Variants in RBFOX1 observed in about 807,000 individuals in gnomAD.
RBFOX1 encodes the protein RNA binding protein fox-1 homolog 1.
Under a neutral mutation model 57.7 loss-of-function variants are expected in RBFOX1, and 8 were observed. The observed-to-expected ratio is 0.14, with a 90% CI of 0.08 to 0.25. The LOEUF is 0.25. RBFOX1 is among the 10% of genes least tolerant of loss of function. The pLI is 1.00. For missense variants in RBFOX1, 611 were observed against 548.5 expected (o/e 1.11, Z -1.14); for synonymous variants, 326 against 222.4 (o/e 1.47, Z -4.15).
At chr16:7,051,973 A>G in intron 3 of RBFOX1, 84 bp from the exon 4 acceptor site, 1 of 1,550,860 alleles carries the variant, frequency 6.4e-7, no homozygotes, top group Non-Finnish European at 8.7e-7. Context: ...GAGCTGAGTA[A>G]TTAAAAGTAA....
chr16:6,081,731 A>T (rs774547626), intron 1 of RBFOX1, among the ~76,000 whole-genome samples: 3 of 152,234 alleles, frequency 2.0e-5, no homozygotes, highest in Non-Finnish European at 4.4e-5. Context: ...GGTATCTAGC[A>T]ATAGCAGAAG....
chr16:7,437,520 G>T (rs1234553710), intron 4 of RBFOX1, among the ~76,000 whole-genome samples: 2 of 152,142 alleles, frequency 1.3e-5, no homozygotes, highest in Non-Finnish European at 2.9e-5. Flanking sequence ...AAGCTGCAGA[G>T]TACCATTTCC....
intron 3 of RBFOX1, among the ~76,000 whole-genome samples, chr16:5,641,398 A>G (rs1278220545): frequency 6.6e-6 from 1 of 152,232 alleles, no homozygotes; most frequent in East Asian, 1.9e-4. Context: ...TGCAGTGTCC[A>G]GTAGTAGTAA....
chr16:6,516,208 T>C (rs1358404342), intron 2 of RBFOX1, among the ~76,000 whole-genome samples: 1 of 152,300 alleles, frequency 6.6e-6, no homozygotes, highest in East Asian at 1.9e-4. Context: ...CTTGTATTTT[T>C]AGTAGTGACA....
In RBFOX1 at chr16:6,332,751, A is replaced by AGTTCAGAGAACTTAAAGGT. The variant is rs1285064495; in HGVS notation, c.-64+15705_-64+15723dup. On this transcript the variant is annotated intron_variant, in intron 2 of 15. Transcript: ENST00000550418. ...ATAGGAGTCTACTGTTTTAGTGAAT[A>AGTTCAGAGAACTTAAAGGT]GTTCAGAGAACTTAAAGGTGTTCAG... 1.2e-3 allele frequency among the ~76,000 whole-genome samples: 180 copies of AGTTCAGAGAACTTAAAGGT among 152,316 alleles called. 1 individual carries two copies. The highest frequency in any genetic ancestry group is 1.9e-3 in the Non-Finnish European group (128 of 68,022).
chr16:6,531,290 C>T (rs1297834365), intron 2 of RBFOX1, among the ~76,000 whole-genome samples: 1 of 152,154 alleles, frequency 6.6e-6, no homozygotes, highest in Non-Finnish European at 1.5e-5. Flanking sequence ...TTTCAACCTC[C>T]CCTTGTTGCA....
intron 1 of RBFOX1, among the ~76,000 whole-genome samples, chr16:6,100,376 A>T (rs540239598): frequency 1.3e-5 from 2 of 152,196 alleles, no homozygotes; most frequent in East Asian, 1.9e-4. Context: ...GTTAGCCAGG[A>T]TGGTCTCGAT....
intron 1 of RBFOX1, among the ~76,000 whole-genome samples, chr16:6,159,415 T>A (rs2096861672): frequency 6.6e-6 from 1 of 152,114 alleles, no homozygotes; most frequent in Non-Finnish European, 1.5e-5. Context: ...TCCTTTCTTC[T>A]TAGTGGTTGG....
At chr16:5,306,959 C>T (rs910380993) in intron 1 of RBFOX1, among the ~76,000 whole-genome samples, 3 of 152,170 alleles carry the variant, frequency 2.0e-5, no homozygotes, top group Non-Finnish European at 4.4e-5. Context: ...ATTTCACCTT[C>T]CCCATGGCAG....
At chr16:6,831,234 A>T (rs929464534) in intron 3 of RBFOX1, among the ~76,000 whole-genome samples, 2 of 152,204 alleles carry the variant, frequency 1.3e-5, no homozygotes, top group African/African-American at 4.8e-5. Context: ...CCTTGGCTTG[A>T]CTTGGTCGAA....
intron 3 of RBFOX1, among the ~76,000 whole-genome samples, chr16:7,002,286 A>G (rs1199691861): frequency 6.6e-6 from 1 of 152,226 alleles, no homozygotes; most frequent in Non-Finnish European, 1.5e-5. Flanking sequence ...CTTTGCAAGC[A>G]TGTGAGCCAG....
chr16:6,348,025 T>C (rs2085669732), intron 2 of RBFOX1, among the ~76,000 whole-genome samples: 1 of 152,190 alleles, frequency 6.6e-6, no homozygotes. Flanking sequence ...ACCCAGCCCG[T>C]TCATACCTCT....
At chr16:6,675,800 C>T (rs570635613) in intron 3 of RBFOX1, among the ~76,000 whole-genome samples, 1 of 152,182 alleles carries the variant, frequency 6.6e-6, no homozygotes, top group Non-Finnish European at 1.5e-5. Flanking sequence ...AAAACCACTG[C>T]TACGAATCAA....
intron 2 of RBFOX1, among the ~76,000 whole-genome samples, chr16:5,581,333 T>G (rs1348354790): frequency 6.6e-6 from 1 of 152,208 alleles, no homozygotes; most frequent in Non-Finnish European, 1.5e-5. Context: ...TTGCTCTCCT[T>G]AGGAGGAATA....
intron 12 of RBFOX1, among the ~76,000 whole-genome samples, chr16:7,655,258 A>G (rs377669597): frequency 2.4e-4 from 37 of 152,374 alleles, no homozygotes; most frequent in African/African-American, 8.7e-4. Flanking sequence ...AGGTAAAACC[A>G]TCAGAGAAGG....
intron 3 of RBFOX1, among the ~76,000 whole-genome samples, chr16:5,743,268 G>T (rs546317144): frequency 6.6e-6 from 1 of 152,174 alleles, no homozygotes; most frequent in Non-Finnish European, 1.5e-5. Flanking sequence ...TTGGGGGACT[G>T]GGTGGGCACC....
intron 3 of RBFOX1, among the ~76,000 whole-genome samples, chr16:5,829,516 A>G (rs1052111828): frequency 1.3e-5 from 2 of 151,996 alleles, no homozygotes; most frequent in African/African-American, 4.8e-5. Context: ...TGGAGGCAGA[A>G]CCCAAGGTGT....
intron 4 of RBFOX1, among the ~76,000 whole-genome samples, chr16:7,207,877 A>G (rs983590835): frequency 6.6e-5 from 10 of 152,208 alleles, no homozygotes; most frequent in South Asian, 4.1e-4. Context: ...TAAGGAGAAG[A>G]TAAATGGTGA....
chr16:7,081,142 C>G (rs527792826), intron 4 of RBFOX1, among the ~76,000 whole-genome samples: 164 of 152,330 alleles, frequency 1.1e-3, no homozygotes, highest in Middle Eastern at 3.4e-3. Context: ...TGAAGCGATT[C>G]TCCTGCCTCA....
Sources: allele counts gnomAD v4.1 joint callset (sites outside exome capture counted in the v4.1 genomes callset), GRCh38; gene constraint gnomAD v4.1.1; transcripts MANE v1.5; gene names NCBI Gene and HGNC (gene_info 2026-07-23, HGNC 2026-07-21).